The following HTR1E variants were observed in gnomAD, a reference collection of about 807,000 sequenced individuals.
HTR1E encodes 5-hydroxytryptamine receptor 1E.
Under a neutral mutation model 3.4 loss-of-function variants are expected in HTR1E, and 3 were observed. That is an observed-to-expected ratio of 0.89 (90% CI 0.41 to 2.31). The LOEUF is 2.31. Among genes scored for constraint, HTR1E ranks in the 30% most tolerant of loss-of-function variants. HTR1E has a pLI of 0.05. For missense variants in HTR1E, 392 were observed against 467.0 expected (o/e 0.84, Z 1.48); for synonymous variants, 170 against 182.8 (o/e 0.93, Z 0.56).
chr6:86,954,464 T>TC (rs1358354766), intron 1 of HTR1E, among the ~76,000 whole-genome samples: 1 of 152,164 alleles, frequency 6.6e-6, no homozygotes, highest in Non-Finnish European at 1.5e-5. Flanking sequence ...CAATTTCAAT[T>TC]CCCAAAACAG....
In HTR1E at chr6:86,952,455, A is replaced by C. The variant is rs111803607; in HGVS notation, c.-186+14632A>C. On this transcript the variant is annotated intron_variant, in intron 1 of 1. Coordinates refer to ENST00000305344, the MANE Select transcript of HTR1E (RefSeq NM_000865.3). ...TCTGTGTTGTACAGACACCCCAAAA[A>C]AGTTGTCTTTTCTTCCTTTTGGCTT... is the stretch of plus-strand genomic sequence containing the variant. Among the ~76,000 whole-genome samples, 1,377 of 152,014 alleles carry C rather than the reference A, an allele frequency of 9.1e-3. 23 individuals carry two copies. Among genetic ancestry groups the C allele is most frequent in the African/African-American group, 0.031 (1,282 of 41,478 alleles).
chr6:86,990,062 C>A (rs905233513), intron 1 of HTR1E, among the ~76,000 whole-genome samples: 3 of 152,194 alleles, frequency 2.0e-5, no homozygotes, highest in Non-Finnish European at 4.4e-5. Context: ...AGGCAGCTTC[C>A]ATGTGTATTC....
chr6:86,951,516 T>C (rs1767239839), intron 1 of HTR1E, among the ~76,000 whole-genome samples: 1 of 152,168 alleles, frequency 6.6e-6, no homozygotes, highest in Non-Finnish European at 1.5e-5. Context: ...CCTATGTAAA[T>C]AACTGTGACT....
chr6:86,952,873 C>T (rs1194861629), intron 1 of HTR1E, among the ~76,000 whole-genome samples: 1 of 152,172 alleles, frequency 6.6e-6, no homozygotes, highest in Non-Finnish European at 1.5e-5. Flanking sequence ...ACAGCAACAT[C>T]ATACATTGGT....
At chr6:86,984,060 G>A (rs908171198) in intron 1 of HTR1E, among the ~76,000 whole-genome samples, 3 of 152,014 alleles carry the variant, frequency 2.0e-5, no homozygotes, top group Non-Finnish European at 4.4e-5. Flanking sequence ...CTCTAGAAAA[G>A]TTTTCCAAAC....
chr6:86,993,286 T>C (rs1027088212), intron 1 of HTR1E, among the ~76,000 whole-genome samples: 1 of 151,092 alleles, frequency 6.6e-6, no homozygotes, highest in Non-Finnish European at 1.5e-5. Context: ...AAAAAAAAGA[T>C]GGTATAAATG....
At chr6:86,998,939 G>C (rs1162163696) in intron 1 of HTR1E, among the ~76,000 whole-genome samples, 1 of 151,962 alleles carries the variant, frequency 6.6e-6, no homozygotes, top group Non-Finnish European at 1.5e-5. Flanking sequence ...TTTTGGGGGG[G>C]TTGTTTTTTT....
chr6:87,007,995 C>A lies in HTR1E; in HGVS notation c.-185-7155C>A, dbSNP rs1042195846. Among the ~76,000 whole-genome samples, 8 of 152,026 alleles carry A rather than the reference C, an allele frequency of 5.3e-5. No individual in the cohort carries two copies. In the South Asian group the frequency reaches 6.2e-4, roughly 12 times the overall value. The stretch of plus-strand genomic sequence containing the variant: ...AACATTAAAAAATACAAAGGCAAAC[C>A]ACAGAATGGAAGAAATGTTCACAAA... On this transcript the variant is annotated intron_variant, in intron 1 of 1. Transcript: ENST00000305344.
At chr6:86,947,649 A>G (rs55965745) in intron 1 of HTR1E, among the ~76,000 whole-genome samples, 7,317 of 151,914 alleles carry the variant, frequency 0.048, 239 homozygotes, top group African/African-American at 0.074. Flanking sequence ...TTCTTTTTCA[A>G]TGAAATCAGG....
intron 1 of HTR1E, among the ~76,000 whole-genome samples, chr6:86,944,008 C>T (rs769901984): frequency 6.6e-5 from 10 of 152,124 alleles, no homozygotes; most frequent in Admixed American, 3.3e-4. Context: ...CTTCCAAGCT[C>T]GCTCACGTGG....
chr6:87,012,436 C>T (rs1768252700), intron 1 of HTR1E, among the ~76,000 whole-genome samples: 1 of 152,114 alleles, frequency 6.6e-6, no homozygotes, highest in East Asian at 1.9e-4. Context: ...TGAAAAACTA[C>T]CTTTTGGGTA....
chr6:86,939,380 A>G (rs926332002), intron 1 of HTR1E, among the ~76,000 whole-genome samples: 3 of 152,222 alleles, frequency 2.0e-5, no homozygotes, highest in Admixed American at 1.3e-4. Flanking sequence ...GTATTTCATC[A>G]CTAAGAGAGC....
At chr6:87,010,013 G>C (rs1291097753) in intron 1 of HTR1E, among the ~76,000 whole-genome samples, 1 of 111,394 alleles carries the variant, frequency 9.0e-6, no homozygotes, top group African/African-American at 3.7e-5. Context: ...GCGGAGGGCT[G>C]ACCCCCCCAC....
chr6:87,016,428 C>T lies in HTR1E; in HGVS notation c.1094C>T (p.Thr365Ile), dbSNP rs139181343. ...FKKLIRCREH[T>I] is the part of the protein sequence containing the mutation. ...AAGCTCATTAGATGCCGAGAGCATACTTAGACTGTAAAAAGCTAAAAGGCA... is the reference window on the plus strand; with the variant it reads ...AAGCTCATTAGATGCCGAGAGCATATTTAGACTGTAAAAAGCTAAAAGGCA... Residue 365 changes from threonine to isoleucine, a missense_variant, in exon 2 of 2, where the codon ACT (threonine) becomes ATT (isoleucine). By Grantham distance (89) the Thr-to-Ile change is moderately conservative. Around this residue, in one of 3 missense-constraint regions of HTR1E, gnomAD observed 25 missense variants for 44.1 expected, o/e 0.57. Coordinates refer to ENST00000305344, the MANE Select transcript of HTR1E (RefSeq NM_000865.3). The T allele has an allele frequency of 1.1e-5, 18 of 1,585,398 alleles. No individual in the cohort carries two copies. Among genetic ancestry groups the T allele is most frequent in the Non-Finnish European group, 1.5e-5 (18 of 1,162,736 alleles).
At chr6:86,940,535 CAAAAA>C (rs1359574769) in intron 1 of HTR1E, among the ~76,000 whole-genome samples, 1 of 151,526 alleles carries the variant, frequency 6.6e-6, no homozygotes, top group Admixed American at 6.6e-5. Context: ...GGCCTTGTCT[CAAAAA>C]AAGAAAAGAA....
chr6:87,016,075 C>G lies in HTR1E; in HGVS notation c.741C>G (p.Phe247Leu). The change falls in exon 2 of 2, where the codon TTC becomes TTG. Residue 247 changes from phenylalanine to leucine, a missense_variant. Physicochemically the swap from Phe to Leu is conservative, Grantham distance 22. Coordinates refer to ENST00000305344, the MANE Select transcript of HTR1E (RefSeq NM_000865.3). ...CACAGACTTTCTGTGTGTCTGACTT[C>G]TCCACCTCAGACCCTACCACAGAGT... ...KLTQTFCVSDFSTSDPTTEFE... is the reference protein window; with the variant it reads ...KLTQTFCVSDLSTSDPTTEFE... 2 of 1,614,186 alleles carry G rather than the reference C, an allele frequency of 1.2e-6. No individual in the cohort carries two copies. Among genetic ancestry groups the G allele is most frequent in the Non-Finnish European group, 1.7e-6 (2 of 1,180,014 alleles).
chr6:86,971,290 A>G (rs1193505333), intron 1 of HTR1E: 1 of 281,866 alleles, frequency 3.5e-6, no homozygotes, highest in African/African-American at 2.2e-5. Flanking sequence ...AACAGCACAT[A>G]TCAAATACTT....
At chr6:86,941,928 A>G (rs1344839558) in intron 1 of HTR1E, among the ~76,000 whole-genome samples, 2 of 152,172 alleles carry the variant, frequency 1.3e-5, no homozygotes, top group Non-Finnish European at 2.9e-5. Context: ...AATATTGGTC[A>G]GGGAAAAGTT....
At chr6:86,977,523 A>T (rs1036683979) in intron 1 of HTR1E, among the ~76,000 whole-genome samples, 2 of 152,042 alleles carry the variant, frequency 1.3e-5, no homozygotes, top group African/African-American at 4.8e-5. Flanking sequence ...TGGTATAGTG[A>T]TCTATTTTCC....
Sources: allele counts gnomAD v4.1 joint callset (sites outside exome capture counted in the v4.1 genomes callset), GRCh38; gene constraint gnomAD v4.1.1; regional missense constraint gnomAD v4.1.1; transcripts MANE v1.5; gene names NCBI Gene and HGNC (gene_info 2026-07-23, HGNC 2026-07-21).